Variants in COMMD10 observed in about 807,000 individuals in gnomAD.
The protein encoded by COMMD10 is COMM domain-containing protein 10.
Under a neutral mutation model 28.9 loss-of-function variants are expected in COMMD10, and 33 were observed. That is an observed-to-expected ratio of 1.14 (90% CI 0.87 to 1.53). COMMD10 has a LOEUF of 1.53. Among genes scored for constraint, COMMD10 ranks in the 40% most tolerant of loss-of-function variants. The probability of loss-of-function intolerance (pLI) is 0.00; values close to 1 mark genes in which losing one functional copy is unlikely to be tolerated. For missense variants in COMMD10, 310 were observed against 233.4 expected, an observed-to-expected ratio of 1.33 and a Z score of -2.14; for synonymous variants, 110 against 81.7, an observed-to-expected ratio of 1.35 and a Z score of -1.87.
intron 5 of COMMD10, among the ~76,000 whole-genome samples, chr5:116,247,946 G>A (rs964507109): frequency 4.0e-5 from 6 of 151,546 alleles, no homozygotes; most frequent in African/African-American, 1.5e-4. Context: ...ATATGCACAT[G>A]TACCCCTGAA....
At chr5:116,154,146 T>C (rs1222207727) in intron 5 of COMMD10, among the ~76,000 whole-genome samples, 1 of 151,838 alleles carries the variant, frequency 6.6e-6, no homozygotes, top group Non-Finnish European at 1.5e-5. Flanking sequence ...CTTAACTGCT[T>C]TGTAGAGTGT....
chr5:116,162,480 T>G (rs186298247), intron 5 of COMMD10, among the ~76,000 whole-genome samples: 4 of 152,216 alleles, frequency 2.6e-5, no homozygotes, highest in African/African-American at 9.6e-5. Context: ...CCCACTCAGG[T>G]ATTTTAGATT....
chr5:116,145,928 C>G (rs771208525), intron 5 of COMMD10, among the ~76,000 whole-genome samples: 2 of 151,934 alleles, frequency 1.3e-5, no homozygotes, highest in African/African-American at 2.4e-5. Context: ...AATTAAACCT[C>G]TTTCTTTTAT....
chr5:116,168,999 T>C (rs937884164), intron 5 of COMMD10, among the ~76,000 whole-genome samples: 2 of 151,486 alleles, frequency 1.3e-5, no homozygotes, highest in African/African-American at 4.9e-5. Flanking sequence ...CGAAAGGAGA[T>C]AGAGACATGA....
intron 5 of COMMD10, among the ~76,000 whole-genome samples, chr5:116,228,126 A>G (rs528054038): frequency 6.6e-6 from 1 of 152,096 alleles, no homozygotes; most frequent in Non-Finnish European, 1.5e-5. Flanking sequence ...CTTTGGCCTC[A>G]TTCCTGCTTT....
rs1163828529 is a variant in COMMD10, at chr5:116,174,535, GA to G, written c.510+40359del. ...ATAACTGATGGATAATCAATTAGTA[GA>G]ATAACCATTCAGTCACGAGATGGTA... On this transcript the variant is annotated intron_variant, in intron 5 of 6. Coordinates refer to ENST00000274458, the MANE Select transcript of COMMD10 (RefSeq NM_016144.4). Among the ~76,000 whole-genome samples, 8 of 152,258 alleles carry G rather than the reference GA, an allele frequency of 5.3e-5. No homozygotes were observed. The East Asian group carries it at 1.5e-3, about 29-fold the overall frequency.
At chr5:116,172,244 G>T (rs1156779647) in intron 5 of COMMD10, among the ~76,000 whole-genome samples, 1 of 152,108 alleles carries the variant, frequency 6.6e-6, no homozygotes, top group African/African-American at 2.4e-5. Context: ...AGGGAGGTGT[G>T]AGAGGAAAGT....
chr5:116,201,052 C>T (rs1748652314), intron 5 of COMMD10, among the ~76,000 whole-genome samples: 3 of 152,130 alleles, frequency 2.0e-5, no homozygotes, highest in Admixed American at 2.0e-4. Flanking sequence ...TTTTATCCTT[C>T]TCCAGTTGGA....
chr5:116,222,521 G>A (rs1322741071), intron 5 of COMMD10, among the ~76,000 whole-genome samples: 1 of 152,104 alleles, frequency 6.6e-6, no homozygotes, highest in Non-Finnish European at 1.5e-5. Context: ...AAGTCTACTT[G>A]TATTTGTAAA....
intron 5 of COMMD10, among the ~76,000 whole-genome samples, chr5:116,166,112 A>G (rs1430634420): frequency 6.6e-6 from 1 of 151,498 alleles, no homozygotes; most frequent in African/African-American, 2.4e-5. Flanking sequence ...ATATTTCTAT[A>G]GTTTTAGTCC....
At chr5:116,234,993 C>CT (rs2112657955) in intron 5 of COMMD10, among the ~76,000 whole-genome samples, 1 of 152,306 alleles carries the variant, frequency 6.6e-6, no homozygotes, top group East Asian at 1.9e-4. Context: ...CCTAGTCTGT[C>CT]TATCTCTTAC....
chr5:116,254,778 A>T (rs1176230630), intron 5 of COMMD10, among the ~76,000 whole-genome samples: 1 of 151,624 alleles, frequency 6.6e-6, no homozygotes, highest in African/African-American at 2.4e-5. Context: ...TATTCTGTTG[A>T]TTTGGGGTGG....
rs1369984765 is a variant in COMMD10 at position 116,244,090 on chromosome 5, G to C, written c.511-47427G>C. Among the ~76,000 whole-genome samples the C allele has an allele frequency of 3.3e-5, 5 of 152,250 alleles. No homozygotes were observed. The East Asian group carries it at 5.8e-4, about 18-fold the overall frequency. On this transcript the variant is annotated intron_variant, in intron 5 of 6. Transcript: ENST00000274458. ...GTATTTGGACTGATTCAAGGAATCT[G>C]TGCTTCTCAAGGCAACTTCAAGAAC...
At chr5:116,227,321 C>T (rs1200894473) in intron 5 of COMMD10, among the ~76,000 whole-genome samples, 2 of 151,918 alleles carry the variant, frequency 1.3e-5, no homozygotes, top group Non-Finnish European at 2.9e-5. Flanking sequence ...TTATTCTTAC[C>T]AATAATTCTG....
chr5:116,115,198 G>C (rs1018657421), intron 4 of COMMD10, among the ~76,000 whole-genome samples: 2 of 152,096 alleles, frequency 1.3e-5, no homozygotes, highest in Admixed American at 6.6e-5. Context: ...TCTCCTGGTT[G>C]CTTCCCAAGT....
intron 5 of COMMD10, among the ~76,000 whole-genome samples, chr5:116,277,674 CAG>C (rs1350315456): frequency 6.6e-6 from 1 of 151,872 alleles, no homozygotes; most frequent in East Asian, 1.9e-4. Flanking sequence ...TTTGTTGAAA[CAG>C]AGCTTCCATT....
At chr5:116,189,427 T>C (rs1748271277) in intron 5 of COMMD10, among the ~76,000 whole-genome samples, 1 of 152,134 alleles carries the variant, frequency 6.6e-6, no homozygotes, top group Non-Finnish European at 1.5e-5. Flanking sequence ...GGCTGTCTTT[T>C]TTCCAGCATG....
chr5:116,226,442 A>G (rs978214999), intron 5 of COMMD10, among the ~76,000 whole-genome samples: 1 of 145,272 alleles, frequency 6.9e-6, no homozygotes, highest in African/African-American at 2.5e-5. Flanking sequence ...TGAGAACAGC[A>G]AATTATATTT....
At chr5:116,210,733 C>G (rs1748941800) in intron 5 of COMMD10, among the ~76,000 whole-genome samples, 1 of 152,068 alleles carries the variant, frequency 6.6e-6, no homozygotes, top group African/African-American at 2.4e-5. Context: ...CACCTTATTT[C>G]AAAACCAGGT....
Sources: gnomAD v4.1 joint callset for allele counts (sites outside exome capture counted in the v4.1 genomes callset) on GRCh38, gnomAD v4.1.1 for gene constraint, MANE v1.5 for transcripts, NCBI Gene and HGNC (gene_info 2026-07-23, HGNC 2026-07-21) for gene names.